The following EPB41L4A variants were observed in gnomAD, a reference collection of about 807,000 sequenced individuals.
The protein encoded by EPB41L4A is band 4.1-like protein 4A.
A neutral mutation model predicts 108.6 loss-of-function variants in EPB41L4A; 100 were observed. The observed-to-expected ratio is 0.92, with a 90% CI of 0.78 to 1.09. EPB41L4A has a LOEUF of 1.09. Among genes scored for constraint, EPB41L4A ranks in the 50% least tolerant of loss-of-function variants. The pLI is 0.00. For synonymous variants in EPB41L4A, 319 were observed against 289.0 expected (o/e 1.10, Z -1.05); for missense variants, 1,030 against 842.7 (o/e 1.22, Z -2.75).
chr5:112,279,952 C>T (rs555905630), intron 3 of EPB41L4A, among the ~76,000 whole-genome samples: 16 of 146,174 alleles, frequency 1.1e-4, no homozygotes, highest in African/African-American at 3.9e-4. Context: ...CTACCACCCC[C>T]GTTAATGTCT....
chr5:112,234,376 A>T (rs1047412235), intron 12 of EPB41L4A, among the ~76,000 whole-genome samples: 1 of 151,736 alleles, frequency 6.6e-6, no homozygotes, highest in East Asian at 1.9e-4. Context: ...GCAAGATCCT[A>T]ACTCAAAAAA....
intron 2 of EPB41L4A, among the ~76,000 whole-genome samples, chr5:112,302,648 C>T (rs780452184): frequency 6.6e-5 from 10 of 152,188 alleles, no homozygotes; most frequent in Non-Finnish European, 1.3e-4. Flanking sequence ...TGCCACACAG[C>T]TCTCCAGGTA....
intron 1 of EPB41L4A, among the ~76,000 whole-genome samples, chr5:112,415,670 CAA>C (rs992822168): frequency 1.2e-4 from 19 of 152,264 alleles, no homozygotes; most frequent in African/African-American, 4.1e-4. Context: ...AAGGATACAA[CAA>C]AAGTTTCCCA....
In EPB41L4A at chr5:112,164,021, T is replaced by C. The variant is rs1315803197; in HGVS notation, c.*969A>G. On this transcript the variant is annotated 3_prime_UTR_variant, in exon 23 of 23. Coordinates refer to ENST00000261486, the MANE Select transcript of EPB41L4A (RefSeq NM_022140.5). ...TCCCTGTAGATTGCAAAGTCATCTA[T>C]GGAGAGGAAAGGTACAAAATAGTCA... 1 of 152,180 alleles carries C rather than the reference T, an allele frequency of 6.6e-6. No homozygotes were observed. Among genetic ancestry groups the C allele is most frequent in the East Asian group, 1.9e-4 (1 of 5,190 alleles). The allele number at this position is 152,180 out of a possible 1,614,324, so 9.4% of individuals were successfully genotyped here.
chr5:112,291,961 G>A (rs906042176), intron 2 of EPB41L4A, among the ~76,000 whole-genome samples: 20 of 152,178 alleles, frequency 1.3e-4, no homozygotes, highest in Non-Finnish European at 1.9e-4. Flanking sequence ...CACAGGCCTC[G>A]GCCAGGAGCA....
downstream of EPB41L4A, among the ~76,000 whole-genome samples, chr5:112,141,956 G>A (rs1181761988): frequency 6.6e-6 from 1 of 152,156 alleles, no homozygotes; most frequent in Non-Finnish European, 1.5e-5. Flanking sequence ...TATTCTAGAA[G>A]AATAAATGTA....
At chr5:112,343,270 C>T (rs1392737076) in intron 1 of EPB41L4A, among the ~76,000 whole-genome samples, 1 of 152,102 alleles carries the variant, frequency 6.6e-6, no homozygotes. Flanking sequence ...TTTCTCAGTC[C>T]TTCTGCTTAA....
rs76961827 is a variant in EPB41L4A, at chr5:112,282,268, T to A, written c.205-1945A>T. Among the ~76,000 whole-genome samples, 653 of 152,288 alleles carry A rather than the reference T, an allele frequency of 4.3e-3. 4 individuals are homozygous for A. The highest frequency in any genetic ancestry group is 0.015 in the African/African-American group (616 of 41,562). The stretch of plus-strand genomic sequence containing the variant: ...CACAACGCAGACCCATCCCTTTACA[T>A]ATATAAAGCTGTGGGTTCTTCATGA... On this transcript the variant is annotated intron_variant, in intron 2 of 22. Transcript: ENST00000261486.
intron 1 of EPB41L4A, among the ~76,000 whole-genome samples, chr5:112,321,198 A>G (rs1307748530): frequency 6.6e-6 from 1 of 152,164 alleles, no homozygotes; most frequent in African/African-American, 2.4e-5. Context: ...ACAAGAGGAG[A>G]GATGTTGCCA....
At chr5:112,308,770 T>C (rs1754852302) in intron 1 of EPB41L4A, among the ~76,000 whole-genome samples, 1 of 152,226 alleles carries the variant, frequency 6.6e-6, no homozygotes, top group African/African-American at 2.4e-5. Context: ...AGGATATGTA[T>C]ACTCATAATT....
chr5:112,362,189 G>C (rs1042483185), intron 1 of EPB41L4A, among the ~76,000 whole-genome samples: 1 of 151,612 alleles, frequency 6.6e-6, no homozygotes, highest in African/African-American at 2.4e-5. Flanking sequence ...CAGCAGCCTT[G>C]AATTCCTGGC....
At chr5:112,197,506 A>G (rs922329078) in intron 15 of EPB41L4A, among the ~76,000 whole-genome samples, 6 of 152,212 alleles carry the variant, frequency 3.9e-5, no homozygotes, top group Admixed American at 1.3e-4. Flanking sequence ...TGTTCCAGGA[A>G]TATGATTCCA....
At chr5:112,289,503 A>C (rs564973523) in intron 2 of EPB41L4A, among the ~76,000 whole-genome samples, 46 of 152,228 alleles carry the variant, frequency 3.0e-4, no homozygotes, top group Non-Finnish European at 6.0e-4. Flanking sequence ...AGAATGCCAC[A>C]GAAGTAACAC....
At chr5:112,258,867 T>A (rs773121777) in intron 9 of EPB41L4A, among the ~76,000 whole-genome samples, 34 of 152,344 alleles carry the variant, frequency 2.2e-4, no homozygotes, top group Non-Finnish European at 4.7e-4. Context: ...AAAATTAGAA[T>A]GCATTTTGGC....
chr5:112,147,699 A>G (rs1759313274), intron 12 of EPB41L4A, among the ~76,000 whole-genome samples: 1 of 151,972 alleles, frequency 6.6e-6, no homozygotes, highest in South Asian at 2.1e-4. Flanking sequence ...AAAAAAATTT[A>G]AGGGTAATTA....
At chr5:112,228,000 C>G (rs1351678347) in intron 12 of EPB41L4A, among the ~76,000 whole-genome samples, 1 of 152,186 alleles carries the variant, frequency 6.6e-6, no homozygotes, top group Non-Finnish European at 1.5e-5. Context: ...GTGCTCACGT[C>G]TGGAGTAATG....
Position 112,264,912 on chromosome 5 carries a change from T to A in EPB41L4A, c.538A>T (p.Ile180Phe). 6.2e-7 allele frequency: 1 copy of A among 1,612,042 alleles called. No individual in the cohort carries two copies. The highest frequency in any genetic ancestry group is 8.5e-7 in the Non-Finnish European group (1 of 1,179,360). ...GATTCTTACATTAGAGTTTTATGAA[T>A]CCTTTCTATGGCTTCTTCAAGTTCT... ...KEELEEAIER[I>F]HKTLMGQIPS... Residue 180 changes from isoleucine to phenylalanine, a missense_variant, in exon 6 of 23, where the codon ATT (isoleucine) becomes TTT (phenylalanine). Transcript: ENST00000261486.
At chr5:112,209,272 A>T (rs912398240) in intron 13 of EPB41L4A, among the ~76,000 whole-genome samples, 1 of 152,254 alleles carries the variant, frequency 6.6e-6, no homozygotes, top group Non-Finnish European at 1.5e-5. Flanking sequence ...TTCCGTGAAC[A>T]TAATTGGAGA....
intron 18 of EPB41L4A, among the ~76,000 whole-genome samples, chr5:112,182,817 G>A (rs1394612692): frequency 1.6e-5 from 1 of 62,698 alleles, no homozygotes; most frequent in African/African-American, 7.0e-5. Context: ...TTGGGGGAAG[G>A]TGCTATCTCA....
Sources: gnomAD v4.1 joint callset for allele counts (sites outside exome capture counted in the v4.1 genomes callset) on GRCh38, gnomAD v4.1.1 for gene constraint, MANE v1.5 for transcripts, NCBI Gene and HGNC (gene_info 2026-07-23, HGNC 2026-07-21) for gene names.